PRKG1: variants seen among roughly 807,000 people sequenced by gnomAD.
The protein encoded by PRKG1 is protein kinase cGMP-dependent 1.
Under a neutral mutation model 88.1 loss-of-function variants are expected in PRKG1, and 35 were observed. The ratio of observed to expected loss-of-function variants is 0.40; its 90% CI spans 0.30 to 0.53. The LOEUF is 0.53. Ranked by LOEUF, PRKG1 falls within the 20% of genes least tolerant of loss-of-function variation. PRKG1 has a pLI of 0.59. For missense variants in PRKG1, 540 were observed against 839.8 expected (o/e 0.64, Z 4.41); for synonymous variants, 303 against 292.5 (o/e 1.04, Z -0.37).
intron 2 of PRKG1, among the ~76,000 whole-genome samples, chr10:51,258,191 C>T (rs989638147): frequency 5.3e-5 from 8 of 152,144 alleles, no homozygotes. Context: ...GGCATGTTCC[C>T]TTGGATAAAA....
chr10:52,101,958 T>C (rs1355657528), intron 7 of PRKG1, among the ~76,000 whole-genome samples: 1 of 152,172 alleles, frequency 6.6e-6, no homozygotes, highest in Non-Finnish European at 1.5e-5. Flanking sequence ...TTTGTGCAAA[T>C]GAAGTCAAGT....
At chr10:52,039,517 A>G (rs10740414) in intron 5 of PRKG1, among the ~76,000 whole-genome samples, 134,172 of 152,092 alleles carry the variant, frequency 0.88, 59,267 homozygotes, top group East Asian at 1. Context: ...ACATGTGCAA[A>G]TCACAGGGGA....
chr10:51,441,678 A>T (rs1839111375), intron 2 of PRKG1, among the ~76,000 whole-genome samples: 2 of 151,866 alleles, frequency 1.3e-5, no homozygotes, highest in Admixed American at 1.3e-4. Flanking sequence ...GTTCTCTTTT[A>T]TCCTACCAAG....
intron 5 of PRKG1, among the ~76,000 whole-genome samples, chr10:51,922,337 CAAG>C: frequency 6.6e-6 from 1 of 151,338 alleles, no homozygotes; most frequent in Non-Finnish European, 1.5e-5. Context: ...TCATCTTTTC[CAAG>C]AACCACTTTT....
intron 3 of PRKG1, among the ~76,000 whole-genome samples, chr10:51,706,289 T>C (rs1841602069): frequency 6.6e-6 from 1 of 152,206 alleles, no homozygotes; most frequent in Non-Finnish European, 1.5e-5. Flanking sequence ...TTTCATGTAC[T>C]CAAACTCCTA....
At chr10:51,857,667 G>T (rs1415030532) in intron 4 of PRKG1, among the ~76,000 whole-genome samples, 2 of 152,054 alleles carry the variant, frequency 1.3e-5, no homozygotes, top group South Asian at 4.1e-4. Context: ...GGCAATCAGC[G>T]GAAGGGAAAT....
intron 8 of PRKG1, among the ~76,000 whole-genome samples, chr10:52,134,449 A>G (rs1311896397): frequency 2.6e-5 from 4 of 152,078 alleles, no homozygotes; most frequent in African/African-American, 4.8e-5. Context: ...TTGTCTGATA[A>G]TGTCTATCCC....
chr10:52,215,077 G>A (rs763205952), intron 9 of PRKG1, among the ~76,000 whole-genome samples: 1 of 151,300 alleles, frequency 6.6e-6, no homozygotes, highest in Admixed American at 6.6e-5. Context: ...TGCCATTTTG[G>A]AGAGATGTAT....
chr10:51,277,729 G>T (rs760280568), intron 2 of PRKG1, among the ~76,000 whole-genome samples: 74 of 152,098 alleles, frequency 4.9e-4, no homozygotes, highest in Non-Finnish European at 7.5e-4. Flanking sequence ...ATTGTGAATG[G>T]GAGTTCACTC....
intron 3 of PRKG1, among the ~76,000 whole-genome samples, chr10:51,506,597 G>A (rs1398323140): frequency 5.3e-5 from 8 of 152,072 alleles, no homozygotes; most frequent in East Asian, 3.9e-4. Context: ...CAAAACCACA[G>A]TGAGATACCA....
At chr10:52,072,038 G>A (rs1001025280) in intron 7 of PRKG1, among the ~76,000 whole-genome samples, 25 of 152,000 alleles carry the variant, frequency 1.6e-4, no homozygotes, top group African/African-American at 6.0e-4. Context: ...CCTCTCCCGT[G>A]GGGCCATCAC....
At chr10:51,078,123 G>A (rs1844009878) in intron 1 of PRKG1, among the ~76,000 whole-genome samples, 1 of 152,086 alleles carries the variant, frequency 6.6e-6, no homozygotes, top group Non-Finnish European at 1.5e-5. Flanking sequence ...ATTTCAGTTG[G>A]ATTATATAGA....
chr10:51,558,863 T>G (rs1837383245), intron 3 of PRKG1, among the ~76,000 whole-genome samples: 2 of 152,060 alleles, frequency 1.3e-5, no homozygotes, highest in Admixed American at 1.3e-4. Context: ...ACTGAAGGTG[T>G]GAACAGAGTG....
intron 9 of PRKG1, among the ~76,000 whole-genome samples, chr10:52,200,179 A>G (rs923071081): frequency 3.9e-5 from 6 of 152,118 alleles, no homozygotes; most frequent in Admixed American, 3.3e-4. Context: ...ATAGTATCTA[A>G]CAGACAGTTT....
intron 8 of PRKG1, among the ~76,000 whole-genome samples, chr10:52,139,007 C>G (rs1010330051): frequency 6.6e-6 from 1 of 152,094 alleles, no homozygotes; most frequent in East Asian, 1.9e-4. Context: ...CAGAGAAAAA[C>G]GTCACTGGAG....
intron 2 of PRKG1, among the ~76,000 whole-genome samples, chr10:51,254,231 A>C (rs1839498945): frequency 6.6e-6 from 1 of 151,858 alleles, no homozygotes; most frequent in African/African-American, 2.4e-5. Context: ...TTCTAACATA[A>C]TTTTCCTAGG....
chr10:51,090,534 G>A (rs1844374493), intron 1 of PRKG1, among the ~76,000 whole-genome samples: 1 of 151,948 alleles, frequency 6.6e-6, no homozygotes, highest in African/African-American at 2.4e-5. Context: ...ATTTAAGAAT[G>A]GATTGATGAA....
intron 1 of PRKG1, among the ~76,000 whole-genome samples, chr10:51,076,293 AC>A (rs1238104628): frequency 8.5e-5 from 13 of 152,218 alleles, no homozygotes; most frequent in Non-Finnish European, 1.5e-5. Context: ...TTCTGACCTT[AC>A]CAAATTGCCC....
intron 4 of PRKG1, among the ~76,000 whole-genome samples, chr10:51,839,426 T>C (rs1840212755): frequency 2.6e-5 from 4 of 152,132 alleles, no homozygotes. Flanking sequence ...AATTCAGTGA[T>C]TTGCACAGGG....
Sources: gnomAD v4.1 joint callset for allele counts (sites outside exome capture counted in the v4.1 genomes callset) on GRCh38, gnomAD v4.1.1 for gene constraint, MANE v1.5 for transcripts, NCBI Gene and HGNC (gene_info 2026-07-23, HGNC 2026-07-21) for gene names.